Variants in SLC4A4 observed in about 807,000 individuals in gnomAD.
SLC4A4 encodes the protein solute carrier family 4 member 4.
Under a neutral mutation model 111.5 loss-of-function variants are expected in SLC4A4, and 27 were observed. That is an observed-to-expected ratio of 0.24 (90% CI 0.18 to 0.33). The LOEUF is 0.33. Among genes scored for constraint, SLC4A4 ranks in the 10% least tolerant of loss-of-function variants. The pLI is 1.00. For synonymous variants in SLC4A4, 443 were observed against 463.4 expected (o/e 0.96, Z 0.57); for missense variants, 909 against 1,315.5 (o/e 0.69, Z 4.78).
At chr4:71,493,045 C>A (rs977460805) in intron 15 of SLC4A4, among the ~76,000 whole-genome samples, 10 of 151,840 alleles carry the variant, frequency 6.6e-5, no homozygotes, top group African/African-American at 2.4e-4. Context: ...TTCATTCATG[C>A]ACTTAGGTCT....
At chr4:71,442,937 G>A (rs976335794) in intron 8 of SLC4A4, among the ~76,000 whole-genome samples, 1 of 151,336 alleles carries the variant, frequency 6.6e-6, no homozygotes, top group African/African-American at 2.4e-5. Flanking sequence ...GTCTATCTAT[G>A]TAGGGGCCCC....
chr4:71,067,969 A>C (rs1033641510), intron 1 of SLC4A4, among the ~76,000 whole-genome samples: 1 of 151,880 alleles, frequency 6.6e-6, no homozygotes, highest in African/African-American at 2.4e-5. Context: ...GTTTGGTCTC[A>C]AACTCCTGGC....
At chr4:71,481,749 C>T (rs1034795644) in intron 14 of SLC4A4, among the ~76,000 whole-genome samples, 7 of 100,160 alleles carry the variant, frequency 7.0e-5, no homozygotes, top group African/African-American at 1.6e-4. Flanking sequence ...CAATTACTTA[C>T]AATATTCATT....
chr4:71,383,840 T>C (rs1220181434), intron 6 of SLC4A4, among the ~76,000 whole-genome samples: 2 of 152,176 alleles, frequency 1.3e-5, no homozygotes, highest in African/African-American at 4.8e-5. Flanking sequence ...ATGGATCCAT[T>C]AGGCCCATCC....
intron 2 of SLC4A4, among the ~76,000 whole-genome samples, chr4:71,093,653 A>G (rs1290728339): frequency 6.6e-6 from 1 of 151,568 alleles, no homozygotes; most frequent in Non-Finnish European, 1.5e-5. Context: ...TGGGTACTCA[A>G]TAAATGATTG....
chr4:71,323,217 C>T (rs1727254160), intron 3 of SLC4A4, among the ~76,000 whole-genome samples: 1 of 151,888 alleles, frequency 6.6e-6, no homozygotes, highest in South Asian at 2.1e-4. Flanking sequence ...TTAGAACTTG[C>T]ACATAAAGAA....
intron 2 of SLC4A4, among the ~76,000 whole-genome samples, chr4:71,110,211 A>G (rs904315928): frequency 1.3e-5 from 2 of 151,870 alleles, no homozygotes; most frequent in Non-Finnish European, 2.9e-5. Flanking sequence ...TTTAATTTTT[A>G]TTATTTATTT....
chr4:71,379,073 C>A (rs559385794), intron 6 of SLC4A4, among the ~76,000 whole-genome samples: 1 of 152,304 alleles, frequency 6.6e-6, no homozygotes, highest in South Asian at 2.1e-4. Context: ...TGAATATCCT[C>A]TTGTTTTCCA....
At chr4:71,063,637 T>C (rs1741440685) in intron 1 of SLC4A4, among the ~76,000 whole-genome samples, 1 of 152,170 alleles carries the variant, frequency 6.6e-6, no homozygotes, top group Non-Finnish European at 1.5e-5. Context: ...AGCTATATAA[T>C]TATTTTACAT....
chr4:71,557,948 T>C (rs1736620059), intron 22 of SLC4A4, 63 bp downstream of exon 22: 2 of 1,408,514 alleles, frequency 1.4e-6, no homozygotes. Flanking sequence ...GTTATTGTTA[T>C]ATGGAAGACA....
At position 71,453,645 on chromosome 4, in the gene SLC4A4, T is replaced by C. The variant is rs780417062; in HGVS notation, c.1473T>C (p.Leu491=). Residue 491 remains leucine (L), a synonymous_variant, in exon 12 of 26, where the codon CTT becomes CTC. Transcript: ENST00000264485. The part of the protein sequence containing the change: ...VTNAITFGGL[L]GDATDNMQGV... ...ATGCTATCACTTTTGGAGGACTGCT[T>C]GGGGATGCCACTGACAACATGCAGG... The C allele has an allele frequency of 6.2e-7, 1 of 1,613,900 alleles. No individual in the cohort carries two copies. The highest frequency in any genetic ancestry group is 1.1e-5 in the South Asian group (1 of 91,076).
intron 6 of SLC4A4, among the ~76,000 whole-genome samples, chr4:71,385,460 A>G (rs1280479167): frequency 6.6e-6 from 1 of 151,838 alleles, no homozygotes; most frequent in African/African-American, 2.4e-5. Flanking sequence ...AGCCTCCGAA[A>G]GTGCTGGGAT....
intron 1 of SLC4A4, among the ~76,000 whole-genome samples, chr4:71,188,083 CAA>C (rs1371758470): frequency 1.3e-5 from 2 of 152,172 alleles, no homozygotes; most frequent in Non-Finnish European, 2.9e-5. Flanking sequence ...TGAGTCTTGG[CAA>C]AGAGAGGTGA....
chr4:71,071,350 A>C (rs1034309177), intron 1 of SLC4A4, among the ~76,000 whole-genome samples: 2 of 152,026 alleles, frequency 1.3e-5, no homozygotes, highest in Non-Finnish European at 2.9e-5. Flanking sequence ...CTAAGACCAG[A>C]ATCTAGATTC....
At chr4:71,386,083 A>T (rs1160968416) in intron 6 of SLC4A4, among the ~76,000 whole-genome samples, 1 of 151,884 alleles carries the variant, frequency 6.6e-6, no homozygotes, top group Non-Finnish European at 1.5e-5. Context: ...GGAAGCATAT[A>T]GAATTCTTTA....
chr4:71,422,561 T>C (rs1048366177), intron 7 of SLC4A4, among the ~76,000 whole-genome samples: 342 of 152,264 alleles, frequency 2.2e-3, no homozygotes, highest in African/African-American at 7.7e-3. Flanking sequence ...CCAATATCCT[T>C]TATGAACATT....
chr4:71,206,618 G>A (rs2149007749), intron 1 of SLC4A4, among the ~76,000 whole-genome samples: 1 of 152,160 alleles, frequency 6.6e-6, no homozygotes, highest in Admixed American at 6.5e-5. Flanking sequence ...AATGCTTTAT[G>A]AATATATATT....
chr4:71,301,474 G>T (rs1725251814), intron 3 of SLC4A4, among the ~76,000 whole-genome samples: 1 of 152,178 alleles, frequency 6.6e-6, no homozygotes, highest in Non-Finnish European at 1.5e-5. Flanking sequence ...TGCACACTCT[G>T]CAGGAAGGGA....
At chr4:71,110,166 C>A (rs926692857) in intron 2 of SLC4A4, among the ~76,000 whole-genome samples, 7 of 152,104 alleles carry the variant, frequency 4.6e-5, no homozygotes, top group Non-Finnish European at 8.8e-5. Flanking sequence ...TCTATTCAAT[C>A]ATCTTCCCAG....
Sources: allele counts gnomAD v4.1 joint callset (sites outside exome capture counted in the v4.1 genomes callset), GRCh38; gene constraint gnomAD v4.1.1; transcripts MANE v1.5; gene names NCBI Gene and HGNC (gene_info 2026-07-23, HGNC 2026-07-21).